Variants in NUMBL observed in about 807,000 individuals in gnomAD.
The protein encoded by NUMBL is numb-like protein.
NUMBL carries 20 observed loss-of-function variants against 48.9 expected under a neutral mutation model. The observed-to-expected ratio is 0.41, with a 90% confidence interval of 0.29 to 0.59. NUMBL has a LOEUF of 0.59. Among genes scored for constraint, NUMBL ranks in the 20% least tolerant of loss-of-function variants. The probability of loss-of-function intolerance (pLI) is 0.31; values close to 1 mark genes in which losing one functional copy is unlikely to be tolerated. For missense variants in NUMBL, 660 were observed against 846.2 expected, an observed-to-expected ratio of 0.78 and a Z score of 2.73; for synonymous variants, 340 against 348.7, an observed-to-expected ratio of 0.98 and a Z score of 0.28.
chr19:40,687,409 A>G lies in NUMBL; in HGVS notation c.25-414T>C, dbSNP rs141134524. Among the ~76,000 whole-genome samples the G allele has an allele frequency of 7.9e-5, 12 of 152,286 alleles. No individual in the cohort carries two copies. The highest frequency in any genetic ancestry group is 1.6e-4 in the Non-Finnish European group (11 of 68,022). On this transcript the variant is annotated intron_variant, in intron 1 of 9. Coordinates refer to ENST00000252891, the MANE Select transcript of NUMBL (RefSeq NM_004756.5). This position sits in a 1 kb window ranked among gnomAD's most constrained non-coding sequence, Gnocchi z 4.6. ...CACCTCAGATCGCAGATACACAGAA[A>G]CAGTCCCAAACCCAGAAAGCTGCCA...
In NUMBL at chr19:40,682,842, G is replaced by A; in HGVS notation, c.325-40C>T. ...GGGGACAAAGGAGCCGGGTCAGGGTGCCTCTCCCTGTCTGACCTTGCCCCC... is the reference window on the plus strand; with the variant it reads ...GGGGACAAAGGAGCCGGGTCAGGGTACCTCTCCCTGTCTGACCTTGCCCCC... On this transcript the variant is annotated intron_variant, in intron 4 of 9. Coordinates refer to ENST00000252891, the MANE Select transcript of NUMBL (RefSeq NM_004756.5). The surrounding 1 kb of genome is among the most constrained non-coding windows in gnomAD (Gnocchi z 4.0). 1 of 1,613,938 alleles carries A rather than the reference G, an allele frequency of 6.2e-7. No homozygotes were observed. The highest frequency in any genetic ancestry group is 1.1e-5 in the South Asian group (1 of 91,070).
At chr19:40,677,198 T>C in intron 7 of NUMBL, 34 bp downstream of exon 7, 1 of 1,547,582 alleles carries the variant, frequency 6.5e-7, no homozygotes, top group African/African-American at 1.4e-5. Flanking sequence ...CTGTGCCCAC[T>C]CTGTGCTCTG....
In NUMBL at chr19:40,678,447, G is replaced by A. The variant is rs111514497; in HGVS notation, c.541-1026C>T. On this transcript the variant is annotated intron_variant, in intron 6 of 9. Coordinates refer to ENST00000252891, the MANE Select transcript of NUMBL (RefSeq NM_004756.5). ...CAAAGTGTTGGGGTTACAGGCGTGAGCCACCATGCCCGGCCGGGATTAATG... is the reference window on the plus strand; with the variant it reads ...CAAAGTGTTGGGGTTACAGGCGTGAACCACCATGCCCGGCCGGGATTAATG... Among the ~76,000 whole-genome samples the A allele has an allele frequency of 8.5e-5, 13 of 152,300 alleles. 1 individual carries two copies. Among genetic ancestry groups the A allele is most frequent in the African/African-American group, 3.1e-4 (13 of 41,568 alleles).
intron 6 of NUMBL, 98 bp downstream of exon 6, chr19:40,680,819 G>C (rs1488687370): frequency 7.6e-7 from 1 of 1,310,360 alleles, no homozygotes; most frequent in South Asian, 1.3e-5. Context: ...TGGGCACACA[G>C]AGGTTAGTGA....
chr19:40,687,625 A>G lies in NUMBL; in HGVS notation c.25-630T>C, dbSNP rs1380678634. On this transcript the variant is annotated intron_variant, in intron 1 of 9. Transcript: ENST00000252891. The surrounding 1 kb of genome is among the most constrained non-coding windows in gnomAD (Gnocchi z 4.6). ...AAGAACGGGGCCCAGACAACCCACT[A>G]GAGCCGCACATGCGTGGCCACACCC... 6.6e-6 allele frequency among the ~76,000 whole-genome samples: 1 copy of G among 152,150 alleles called. No individual in the cohort carries two copies. Among genetic ancestry groups the G allele is most frequent in the Non-Finnish European group, 1.5e-5 (1 of 68,032 alleles).
intron 6 of NUMBL, among the ~76,000 whole-genome samples, chr19:40,678,140 C>T (rs1467226116): frequency 6.6e-6 from 1 of 151,990 alleles, no homozygotes; most frequent in Non-Finnish European, 1.5e-5. Flanking sequence ...AGGTGGGGTC[C>T]TCATGATGGA....
chr19:40,690,492 CG>C lies in NUMBL; in HGVS notation c.-10del. 1 of 1,283,138 alleles carries C rather than the reference CG, an allele frequency of 7.8e-7. No individual in the cohort carries two copies. Among genetic ancestry groups the C allele is most frequent in the Non-Finnish European group, 9.9e-7 (1 of 1,013,316 alleles). The allele number at this position is 1,283,138 out of a possible 1,614,324, so 79.5% of individuals were successfully genotyped here. On this transcript the variant is annotated 5_prime_UTR_variant, in exon 1 of 10. Transcript: ENST00000252891. The stretch of plus-strand genomic sequence containing the variant: ...GCCGCGCTGCGGGACATCCAGGGCC[CG>C]GGCGCCCCCGCCTCCCGCGGCCCTG...
At position 40,690,624 on chromosome 19, in the gene NUMBL, G is replaced by T. The variant is rs1568434051; in HGVS notation, c.-141C>A. 2.4e-6 allele frequency: 1 copy of T among 411,308 alleles called. No individual in the cohort carries two copies. Among genetic ancestry groups the T allele is most frequent in the Middle Eastern group, 6.8e-4 (1 of 1,462 alleles). 25.5% of individuals were successfully genotyped at this position (411,308 alleles called of 1,614,324 possible). The stretch of plus-strand genomic sequence containing the variant: ...GGGGGATGGTGCGGGATGCACGCGC[G>T]CGAGCCTCCTCGGCTCCCGGGAGGA... On this transcript the variant is annotated 5_prime_UTR_variant, in exon 1 of 10. Coordinates refer to ENST00000252891, the MANE Select transcript of NUMBL (RefSeq NM_004756.5).
chr19:40,667,756 C>G lies in NUMBL; in HGVS notation c.1542G>C (p.Gln514His). 6.3e-7 allele frequency: 1 copy of G among 1,580,594 alleles called. No individual in the cohort carries two copies. The highest frequency in any genetic ancestry group is 1.2e-5 in the South Asian group (1 of 86,708). The change falls in exon 10 of 10, where the codon CAG (glutamine) becomes CAC (histidine). Residue 514 changes from glutamine (Q) to histidine (H), a missense_variant. Physicochemically the swap from Gln to His is conservative, Grantham distance 24 (BLOSUM62 0). Around this residue, in one of 3 missense-constraint regions of NUMBL, gnomAD observed 296 missense variants for 339.7 expected, o/e 0.87. Coordinates refer to ENST00000252891, the MANE Select transcript of NUMBL (RefSeq NM_004756.5). The surrounding 1 kb of genome is among the most constrained non-coding windows in gnomAD (Gnocchi z 6.1). ...CTGAGCAGAAGGCGTTTGCCACCAT[C>G]TGTGAGGGTGTGATGCCCACCACGG... ...RVPVVGITPS[Q>H]MVANAFCSAA... is the part of the protein sequence containing the mutation.
At chr19:40,683,264 A>G (rs752577801) in intron 3 of NUMBL, among the ~76,000 whole-genome samples, 42 of 152,070 alleles carry the variant, frequency 2.8e-4, no homozygotes, top group Non-Finnish European at 5.6e-4. Context: ...GTGCGTGAGG[A>G]CTGGCCACAG....
chr19:40,687,001 C>A lies in NUMBL; in HGVS notation c.25-6G>T. The A allele has an allele frequency of 6.7e-7, 1 of 1,491,668 alleles. No homozygotes were observed. Among genetic ancestry groups the A allele is most frequent in the African/African-American group, 1.4e-5 (1 of 69,942 alleles). The allele number at this position is 1,491,668 out of a possible 1,614,324, so 92.4% of individuals were successfully genotyped here. ...TCAGGCCTCCGGGGTCCGCCCTGCC[C>A]GAGTAGGGGAGGAGAAGGTGAGAAG... On this transcript the variant is annotated splice_polypyrimidine_tract_variant and splice_region_variant and intron_variant, in intron 1 of 9. Transcript: ENST00000252891. This position sits in a 1 kb window ranked among gnomAD's most constrained non-coding sequence, Gnocchi z 4.6.
At chr19:40,685,416 GCTGT>G (rs1302139791) in intron 2 of NUMBL, 1 of 153,938 alleles carries the variant, frequency 6.5e-6, no homozygotes, top group Admixed American at 6.6e-5. Context: ...GTTTCTGAAG[GCTGT>G]CTGGAAGAAC....
intron 9 of NUMBL, 125 bp downstream of exon 9, chr19:40,669,773 A>G: frequency 8.0e-7 from 1 of 1,253,678 alleles, no homozygotes; most frequent in Non-Finnish European, 1.1e-6. Flanking sequence ...CCTGGCTCTG[A>G]GGTGATCCAT....
At chr19:40,684,347 C>T (rs1410849480) in intron 3 of NUMBL, 70 bp downstream of exon 3, 5 of 1,469,532 alleles carry the variant, frequency 3.4e-6, no homozygotes, top group Admixed American at 4.5e-5. Flanking sequence ...AGCCAGGCCG[C>T]GCACCCGCAC....
Position 40,667,350 on chromosome 19 carries a change from G to T in NUMBL, c.*118C>A. 4.4e-6 allele frequency: 6 copies of T among 1,376,730 alleles called. No homozygotes were observed. The highest frequency in any genetic ancestry group is 5.8e-6 in the Non-Finnish European group (6 of 1,029,772). The allele number at this position is 1,376,730 out of a possible 1,614,324, so 85.3% of individuals were successfully genotyped here. A position where few individuals can be genotyped will look rare whatever the true frequency, so the allele number is the denominator to read the frequency against. On this transcript the variant is annotated 3_prime_UTR_variant, in exon 10 of 10. Transcript: ENST00000252891. The surrounding 1 kb of genome is among the most constrained non-coding windows in gnomAD (Gnocchi z 6.1). ...GGTTGTCGGGGTGGTTGAGGGAGGGGGGTGTTGAGAGGGTGTTGAGGGGCG... is the reference window on the plus strand; with the variant it reads ...GGTTGTCGGGGTGGTTGAGGGAGGGTGGTGTTGAGAGGGTGTTGAGGGGCG...
At chr19:40,684,353 C>G in intron 3 of NUMBL, 64 bp downstream of exon 3, 1 of 1,498,848 alleles carries the variant, frequency 6.7e-7, no homozygotes. Context: ...GCCGCGCACC[C>G]GCACAGCACA....
chr19:40,682,865 C>T lies in NUMBL; in HGVS notation c.324+29G>A, dbSNP rs752549915. ...GTGCCTCTCCCTGTCTGACCTTGCCCCCTCCCTCATGGCAGCCCCCTCACT... is the reference window on the plus strand; with the variant it reads ...GTGCCTCTCCCTGTCTGACCTTGCCTCCTCCCTCATGGCAGCCCCCTCACT... On this transcript the variant is annotated intron_variant, in intron 4 of 9. Coordinates refer to ENST00000252891, the MANE Select transcript of NUMBL (RefSeq NM_004756.5). This position sits in a 1 kb window ranked among gnomAD's most constrained non-coding sequence, Gnocchi z 4.0. The T allele has an allele frequency of 1.9e-6, 3 of 1,613,900 alleles. No individual in the cohort carries two copies. The highest frequency in any genetic ancestry group is 2.2e-5 in the East Asian group (1 of 44,868).
At position 40,690,498 on chromosome 19, in the gene NUMBL, C is replaced by A; in HGVS notation, c.-15G>T. 1 of 1,276,292 alleles carries A rather than the reference C, an allele frequency of 7.8e-7. No individual in the cohort carries two copies. The allele number at this position is 1,276,292 out of a possible 1,614,324, so 79.1% of individuals were successfully genotyped here. On this transcript the variant is annotated 5_prime_UTR_variant, in exon 1 of 10. Transcript: ENST00000252891. ...CTGCGGGACATCCAGGGCCCGGGCG[C>A]CCCCGCCTCCCGCGGCCCTGGCTGG...
At chr19:40,671,207 G>A (rs2081845822) in intron 8 of NUMBL, among the ~76,000 whole-genome samples, 3 of 152,018 alleles carry the variant, frequency 2.0e-5, no homozygotes, top group Admixed American at 2.0e-4. Flanking sequence ...TCAAACTCCT[G>A]AGCTCAAGTG....
Sources: gnomAD v4.1 joint callset for allele counts (sites outside exome capture counted in the v4.1 genomes callset) on GRCh38, gnomAD v4.1.1 for gene constraint, gnomAD v4.1.1 regional missense constraint, Gnocchi (gnomAD v3.1) non-coding constraint, MANE v1.5 for transcripts, NCBI Gene and HGNC (gene_info 2026-07-23, HGNC 2026-07-21) for gene names.